The following SS18L1 variants were observed in gnomAD, a reference collection of about 807,000 sequenced individuals.
SS18L1 encodes the protein SS18L1 subunit of BAF chromatin remodeling complex.
SS18L1 carries 32 observed loss-of-function variants against 70.3 expected under a neutral mutation model. That is an observed-to-expected ratio of 0.46 (90% CI 0.34 to 0.61). The LOEUF is 0.61. SS18L1 is among the 20% of genes least tolerant of loss of function. The probability of loss-of-function intolerance (pLI) is 0.01; values close to 1 mark genes in which losing one functional copy is unlikely to be tolerated. For synonymous variants in SS18L1, 237 were observed against 229.7 expected (o/e 1.03, Z -0.29); for missense variants, 430 against 542.1 (o/e 0.79, Z 2.05).
rs2057386825 is a variant in SS18L1, at chr20:62,164,257, G to A, written c.823+11G>A. ...AGTACTACCCCGACGGTGAGCACTG[G>A]CGGCGGCCTGACCCCGCCCAGGAAC... On this transcript the variant is annotated intron_variant, in intron 7 of 10. Transcript: ENST00000331758. 6.5e-7 allele frequency: 1 copy of A among 1,544,162 alleles called. No homozygotes were observed. The highest frequency in any genetic ancestry group is 8.7e-7 in the Non-Finnish European group (1 of 1,144,004).
chr20:62,160,063 C>T, intron 3 of SS18L1, 102 bp downstream of exon 3: 2 of 1,229,742 alleles, frequency 1.6e-6, no homozygotes, highest in South Asian at 1.4e-5. Context: ...AAAGATGACT[C>T]AGAGAAACCA....
chr20:62,178,869 A>G (rs545096820), intron 10 of SS18L1, among the ~76,000 whole-genome samples: 10 of 152,284 alleles, frequency 6.6e-5, no homozygotes, highest in African/African-American at 1.4e-4. Context: ...ATTGGCTCCC[A>G]GTGGGGCCAG....
chr20:62,161,332 G>A lies in SS18L1; in HGVS notation c.232-104G>A, dbSNP rs2057325789. On this transcript the variant is annotated intron_variant, in intron 3 of 10. Transcript: ENST00000331758. The surrounding 1 kb of genome is among the most constrained non-coding windows in gnomAD (Gnocchi z 4.4). Reference sequence around the variant, plus strand: ...CGAACATTGACCAGGTGGCCATGATGTGTGGCGGCAAATCTCGGGTGCCCT... The same window carrying A: ...CGAACATTGACCAGGTGGCCATGATATGTGGCGGCAAATCTCGGGTGCCCT... 1.3e-6 allele frequency: 2 copies of A among 1,526,672 alleles called. No individual in the cohort carries two copies. The highest frequency in any genetic ancestry group is 1.8e-6 in the Non-Finnish European group (2 of 1,105,392). 94.6% of individuals were successfully genotyped at this position (1,526,672 alleles called of 1,614,324 possible).
rs536857098 is a variant in SS18L1, at chr20:62,166,051, G to A, written c.916+537G>A. Among the ~76,000 whole-genome samples the A allele has an allele frequency of 1.0e-3, 158 of 152,326 alleles. 10 individuals are homozygous for A. The highest frequency in any genetic ancestry group is 3.9e-4 in the East Asian group (2 of 5,184). On this transcript the variant is annotated intron_variant, in intron 8 of 10. Transcript: ENST00000331758. ...AGTGCTGCGCTGGGGGCTGCGTGTC[G>A]GGTGGACTTGCCCCTTTCTGTGGTG...
chr20:62,165,398 T>A, intron 7 of SS18L1, 24 bp from the exon 8 acceptor site: 1 of 1,602,350 alleles, frequency 6.2e-7, no homozygotes, highest in Non-Finnish European at 8.5e-7. Flanking sequence ...CTCCGCTGAC[T>A]GTCGCCGTCT....
rs1683542381 is a variant in SS18L1, at chr20:62,144,036, C to T, written c.69+147C>T. 1.4e-5 allele frequency: 5 copies of T among 362,098 alleles called. No individual in the cohort carries two copies. The South Asian group carries it at 3.3e-4, about 24-fold the overall frequency. 22.4% of individuals were successfully genotyped at this position (362,098 alleles called of 1,614,324 possible). On this transcript the variant is annotated intron_variant, in intron 1 of 10. Transcript: ENST00000331758. ...GCGAGCCCCGACGGCGGCCCCGTGC[C>T]CTTCCCCGCGTCCCACGCCTGCGCG...
At position 62,174,018 on chromosome 20, in the gene SS18L1, A is replaced by C. The variant is rs6121941; in HGVS notation, c.1037-499A>C. On this transcript the variant is annotated intron_variant, in intron 9 of 10. Transcript: ENST00000331758. This position sits in a 1 kb window ranked among gnomAD's most constrained non-coding sequence, Gnocchi z 4.1. Reference sequence around the variant, plus strand: ...TGGGTGACAGAGTGACACCCTGCCTAAAAAAAAAAAAAAAAATTGGCCTCT... The same window carrying C: ...TGGGTGACAGAGTGACACCCTGCCTCAAAAAAAAAAAAAAAATTGGCCTCT... Among the ~76,000 whole-genome samples the C allele has an allele frequency of 0.021, 2,526 of 120,184 alleles. 53 individuals carry two copies. Among genetic ancestry groups the C allele is most frequent in the African/African-American group, 0.07 (2,301 of 32,766 alleles). The allele number at this position is 120,184 out of a possible 152,430, so 78.8% of individuals were successfully genotyped here. A position where few individuals can be genotyped will look rare whatever the true frequency, so the allele number is the denominator to read the frequency against.
intron 1 of SS18L1, among the ~76,000 whole-genome samples, chr20:62,152,836 C>A (rs575954852): frequency 2.0e-5 from 3 of 152,238 alleles, no homozygotes; most frequent in Non-Finnish European, 4.4e-5. Context: ...AACTACGAAT[C>A]GACAACCTCC....
At chr20:62,175,045 A>G (rs1345357288) in intron 10 of SS18L1, 1 of 745,260 alleles carries the variant, frequency 1.3e-6, no homozygotes, top group Non-Finnish European at 1.6e-6. Flanking sequence ...GACTGTGCTG[A>G]GGACAGAGCG....
chr20:62,159,842 G>T lies in SS18L1; in HGVS notation c.147-35G>T. 6.2e-7 allele frequency: 1 copy of T among 1,602,292 alleles called. No individual in the cohort carries two copies. Among genetic ancestry groups the T allele is most frequent in the Non-Finnish European group, 8.5e-7 (1 of 1,174,568 alleles). On this transcript the variant is annotated intron_variant, in intron 2 of 10. Coordinates refer to ENST00000331758, the MANE Select transcript of SS18L1 (RefSeq NM_198935.3). The surrounding 1 kb of genome is among the most constrained non-coding windows in gnomAD (Gnocchi z 4.4). ...ATCCACGTGGGGACTCTGTGGTCCC[G>T]TCGTCCTGCCTCATGCGTGCCCCCT...
chr20:62,150,965 G>T (rs1271655332), intron 1 of SS18L1, among the ~76,000 whole-genome samples: 3 of 152,110 alleles, frequency 2.0e-5, no homozygotes, highest in African/African-American at 7.2e-5. Flanking sequence ...AAATTAAAAA[G>T]GTTCCAAAAG....
intron 9 of SS18L1, among the ~76,000 whole-genome samples, chr20:62,173,089 A>G (rs1218310150): frequency 6.6e-6 from 1 of 152,250 alleles, no homozygotes; most frequent in Admixed American, 6.5e-5. Context: ...GACCTGAAAC[A>G]TCTTATTTTA....
intron 1 of SS18L1, among the ~76,000 whole-genome samples, chr20:62,149,371 A>C (rs565354433): frequency 2.0e-5 from 3 of 152,366 alleles, no homozygotes; most frequent in Admixed American, 2.0e-4. Flanking sequence ...GGATGATGGT[A>C]GGAAGGGGGC....
rs571159409 is a variant in SS18L1 at position 62,174,241 on chromosome 20, G to T, written c.1037-276G>T. ...CTGGGGTGATGGAGAGAGCCCATCAGCCCTCGCCATGCTGGTGGGGGGCCT... is the reference window on the plus strand; with the variant it reads ...CTGGGGTGATGGAGAGAGCCCATCATCCCTCGCCATGCTGGTGGGGGGCCT... On this transcript the variant is annotated intron_variant, in intron 9 of 10. Transcript: ENST00000331758. This position sits in a 1 kb window ranked among gnomAD's most constrained non-coding sequence, Gnocchi z 4.1. Among the ~76,000 whole-genome samples, 1 of 151,946 alleles carries T rather than the reference G, an allele frequency of 6.6e-6. No homozygotes were observed. The highest frequency in any genetic ancestry group is 1.5e-5 in the Non-Finnish European group (1 of 67,972).
At chr20:62,144,397 G>A (rs1454031150) in intron 1 of SS18L1, among the ~76,000 whole-genome samples, 1 of 152,234 alleles carries the variant, frequency 6.6e-6, no homozygotes, top group Admixed American at 6.5e-5. Context: ...GGGCGCACTT[G>A]CGACCGCGGG....
chr20:62,169,890 G>A lies in SS18L1; in HGVS notation c.917-2792G>A, dbSNP rs1237858885. On this transcript the variant is annotated intron_variant, in intron 8 of 10. Coordinates refer to ENST00000331758, the MANE Select transcript of SS18L1 (RefSeq NM_198935.3). ...GAGTCCCGAGCGCGGCTGGCGTGTC[G>A]TGTGCATTTCTCAGGCCCTCGCCAG... Among the ~76,000 whole-genome samples, 17 of 152,290 alleles carry A rather than the reference G, an allele frequency of 1.1e-4. 1 individual carries two copies. Among genetic ancestry groups the A allele is most frequent in the South Asian group, 6.2e-4 (3 of 4,828 alleles).
chr20:62,162,349 G>A (rs2057345114), intron 4 of SS18L1, among the ~76,000 whole-genome samples: 1 of 151,928 alleles, frequency 6.6e-6, no homozygotes, highest in Non-Finnish European at 1.5e-5. Context: ...CGGCCAGGCT[G>A]GAGTGCAATG....
At chr20:62,145,470 G>T (rs187958672) in intron 1 of SS18L1, among the ~76,000 whole-genome samples, 1 of 152,360 alleles carries the variant, frequency 6.6e-6, no homozygotes, top group East Asian at 1.9e-4. Flanking sequence ...TTGGAACCCA[G>T]AGCATCTCCT....
intron 8 of SS18L1, among the ~76,000 whole-genome samples, chr20:62,167,143 T>A (rs1283335716): frequency 4.9e-5 from 7 of 142,556 alleles, no homozygotes; most frequent in Admixed American, 1.4e-4. Context: ...CCTCCCAGGT[T>A]CAAGCAATTC....
Sources: gnomAD v4.1 joint callset for allele counts (sites outside exome capture counted in the v4.1 genomes callset) on GRCh38, gnomAD v4.1.1 for gene constraint, Gnocchi (gnomAD v3.1) non-coding constraint, MANE v1.5 for transcripts, NCBI Gene and HGNC (gene_info 2026-07-23, HGNC 2026-07-21) for gene names.